LCP2: variants seen among roughly 807,000 people sequenced by gnomAD.
LCP2 encodes 76 kDa tyrosine phosphoprotein.
In LCP2, 29 loss-of-function variants were observed where a neutral mutation model predicts 74.5. The observed-to-expected ratio is 0.39, with a 90% CI of 0.29 to 0.53. The LOEUF (loss-of-function observed/expected upper bound fraction) is 0.53, where lower values mean the gene tolerates loss of function less well. Ranked by LOEUF, LCP2 falls within the 20% of genes least tolerant of loss-of-function variation. LCP2 has a pLI of 0.72. For missense variants in LCP2, 604 were observed against 634.6 expected (o/e 0.95, Z 0.52); for synonymous variants, 228 against 229.5 (o/e 0.99, Z 0.06).
chr5:170,271,689 C>T (rs1761899303), intron 6 of LCP2, among the ~76,000 whole-genome samples: 1 of 151,902 alleles, frequency 6.6e-6, no homozygotes, highest in Admixed American at 6.6e-5. Context: ...AGAATGACCT[C>T]CCAAGCAAAG....
At chr5:170,290,565 TC>T (rs1330569065) in intron 2 of LCP2, among the ~76,000 whole-genome samples, 2 of 152,134 alleles carry the variant, frequency 1.3e-5, no homozygotes, top group Non-Finnish European at 2.9e-5. Context: ...TTTGCCTTTC[TC>T]CCCGTCTCCC....
At chr5:170,291,230 G>GAAGA (rs1554141580) in intron 2 of LCP2, among the ~76,000 whole-genome samples, 22 of 139,060 alleles carry the variant, frequency 1.6e-4, no homozygotes, top group Non-Finnish European at 3.0e-4. Context: ...AGGAAGAAAG[G>GAAGA]AAGGAAGGAA....
rs371806783 is a variant in LCP2, at chr5:170,268,869, G to A, written c.524-387C>T. ...TATGCAGACACACAGATATACACAT[G>A]TGCACACATGCATGCACACACATGC... On this transcript the variant is annotated intron_variant, in intron 7 of 20. Transcript: ENST00000046794. Among the ~76,000 whole-genome samples, 43 of 43,926 alleles carry A rather than the reference G, an allele frequency of 9.8e-4. No individual in the cohort carries two copies. In the East Asian group the frequency reaches 0.088, roughly 90 times the overall value. 28.8% of individuals were successfully genotyped at this position (43,926 alleles called of 152,430 possible). A position where few individuals can be genotyped will look rare whatever the true frequency, so the allele number is the denominator to read the frequency against.
intron 20 of LCP2, among the ~76,000 whole-genome samples, chr5:170,250,411 CCA>C (rs1348424031): frequency 1.3e-5 from 2 of 152,126 alleles, no homozygotes; most frequent in African/African-American, 4.8e-5. Context: ...TAAAATTATG[CCA>C]CAGAGGTGAA....
In LCP2 at chr5:170,262,975, A is replaced by C. The variant is rs1386070153; in HGVS notation, c.790T>G (p.Ser264Ala). The stretch of plus-strand genomic sequence containing the variant: ...ACAAGTTCACAGCTTACCTTGTCAG[A>C]AAATGGTGGTTTCTTTCCTGTAAAT... ...PFTLGKKPPF[S>A]DKPSIPAGRS... The change falls in exon 11 of 21, where the codon TCT (serine) becomes GCT (alanine). Residue 264 changes from serine (S) to alanine (A), a missense_variant. Transcript: ENST00000046794. 2 of 1,614,034 alleles carry C rather than the reference A, an allele frequency of 1.2e-6. No homozygotes were observed. The highest frequency in any genetic ancestry group is 1.7e-5 in the Admixed American group (1 of 60,016).
chr5:170,297,014 A>G (rs991449268), intron 1 of LCP2, among the ~76,000 whole-genome samples: 6 of 152,144 alleles, frequency 3.9e-5, no homozygotes, highest in South Asian at 4.1e-4. Context: ...CACCCTGCCT[A>G]TTCTTTCTCC....
chr5:170,273,300 A>C (rs1400985015), intron 6 of LCP2, among the ~76,000 whole-genome samples: 1 of 152,256 alleles, frequency 6.6e-6, no homozygotes, highest in Non-Finnish European at 1.5e-5. Flanking sequence ...TCTGTGAGTA[A>C]ACAGAAACAT....
At chr5:170,289,676 TCTC>T in intron 2 of LCP2, among the ~76,000 whole-genome samples, 5 of 146,268 alleles carry the variant, frequency 3.4e-5, no homozygotes, top group African/African-American at 1.3e-4. Flanking sequence ...TTTCTTTCTC[TCTC>T]TCTCTCTTTC....
intron 3 of LCP2, among the ~76,000 whole-genome samples, chr5:170,278,115 C>T (rs905837239): frequency 6.7e-5 from 10 of 150,358 alleles, no homozygotes; most frequent in African/African-American, 2.0e-4. Context: ...GTGTCCTGGC[C>T]GTGTCAGGTG....
chr5:170,263,491 T>G (rs1761698607), intron 10 of LCP2, among the ~76,000 whole-genome samples: 1 of 152,196 alleles, frequency 6.6e-6, no homozygotes, highest in South Asian at 2.1e-4. Context: ...ACTTTTCACT[T>G]GGGGAGAGCA....
At chr5:170,271,980 AT>A (rs1761903565) in intron 6 of LCP2, among the ~76,000 whole-genome samples, 1 of 152,202 alleles carries the variant, frequency 6.6e-6, no homozygotes, top group African/African-American at 2.4e-5. Context: ...CAAAGTGAGC[AT>A]TGGGTGCCTT....
chr5:170,256,466 A>G lies in LCP2; in HGVS notation c.1150+60T>C, dbSNP rs141874798. On this transcript the variant is annotated intron_variant, in intron 17 of 20. Transcript: ENST00000046794. This position sits in a 1 kb window ranked among gnomAD's most constrained non-coding sequence, Gnocchi z 4.5. ...TTGTCGAAAGCTTTTGGGACAGGTT[A>G]GGGATCCAGTCATAAAGGCTTGATG... is the stretch of plus-strand genomic sequence containing the variant. The G allele has an allele frequency of 2.4e-4, 313 of 1,295,918 alleles. 1 individual carries two copies. The highest frequency in any genetic ancestry group is 3.4e-4 in the Non-Finnish European group (305 of 889,860). 80.3% of individuals were successfully genotyped at this position (1,295,918 alleles called of 1,614,324 possible).
intron 13 of LCP2, 83 bp from the exon 14 acceptor site, chr5:170,261,220 G>T: frequency 1.9e-6 from 2 of 1,048,954 alleles, no homozygotes; most frequent in South Asian, 1.3e-5. Context: ...TTGCTTCATT[G>T]AATAATGAGA....
intron 3 of LCP2, among the ~76,000 whole-genome samples, chr5:170,278,884 C>G (rs966113628): frequency 2.6e-5 from 4 of 151,900 alleles, no homozygotes; most frequent in African/African-American, 9.7e-5. Context: ...CTCCCAGGGT[C>G]CTCCTGCTTT....
At chr5:170,257,608 G>C (rs1269068946) in intron 16 of LCP2, among the ~76,000 whole-genome samples, 1 of 152,112 alleles carries the variant, frequency 6.6e-6, no homozygotes, top group Non-Finnish European at 1.5e-5. Context: ...TGAGAAAACA[G>C]GGGGACAGAG....
At position 170,255,226 on chromosome 5, in the gene LCP2, A is replaced by G. The variant is rs185119119; in HGVS notation, c.1150+1300T>C. 7.2e-5 allele frequency among the ~76,000 whole-genome samples: 11 copies of G among 152,316 alleles called. No homozygotes were observed. The East Asian group carries it at 2.1e-3, about 29-fold the overall frequency. On this transcript the variant is annotated intron_variant, in intron 17 of 20. Transcript: ENST00000046794. ...TGAACGTGGACACCACCATAACCTC[A>G]AATGCTTAGAAAACATTGAAAACTT... is the stretch of plus-strand genomic sequence containing the variant.
chr5:170,278,640 A>G lies in LCP2; in HGVS notation c.189-2780T>C, dbSNP rs566392503. ...AGGCTCACCTCAACGCCCTCCTCCT[A>G]CAGAGTTTGACAGGGCTCTGACCAG... On this transcript the variant is annotated intron_variant, in intron 3 of 20. Coordinates refer to ENST00000046794, the MANE Select transcript of LCP2 (RefSeq NM_005565.5). Among the ~76,000 whole-genome samples, 5 of 152,152 alleles carry G rather than the reference A, an allele frequency of 3.3e-5. No homozygotes were observed. The South Asian group carries it at 1.0e-3, about 32-fold the overall frequency.
chr5:170,292,971 C>A (rs1226566705), intron 2 of LCP2, among the ~76,000 whole-genome samples: 1 of 152,210 alleles, frequency 6.6e-6, no homozygotes, highest in East Asian at 1.9e-4. Flanking sequence ...TGAGTATGTG[C>A]TCCAGAGTGA....
intron 17 of LCP2, among the ~76,000 whole-genome samples, chr5:170,254,083 C>G (rs1200593767): frequency 1.3e-5 from 2 of 152,162 alleles, no homozygotes; most frequent in Admixed American, 1.3e-4. Context: ...ACAACTCTGT[C>G]CAGATCTTGA....
Sources: allele counts gnomAD v4.1 joint callset (sites outside exome capture counted in the v4.1 genomes callset), GRCh38; gene constraint gnomAD v4.1.1; non-coding constraint Gnocchi (gnomAD v3.1); transcripts MANE v1.5; gene names NCBI Gene and HGNC (gene_info 2026-07-23, HGNC 2026-07-21).